Variants in MEIS2 observed in about 807,000 individuals in gnomAD.
MEIS2 encodes the protein Meis homeobox 2.
A neutral mutation model predicts 58.6 loss-of-function variants in MEIS2; 9 were observed. That is an observed-to-expected ratio of 0.15 (90% CI 0.09 to 0.27). The LOEUF is 0.27. Ranked by LOEUF, MEIS2 falls within the 10% of genes least tolerant of loss-of-function variation. MEIS2 has a pLI of 1.00. For synonymous variants in MEIS2, 221 were observed against 228.4 expected, an observed-to-expected ratio of 0.97 and a Z score of 0.29; for missense variants, 427 against 635.0, an observed-to-expected ratio of 0.67 and a Z score of 3.52.
At chr15:37,093,397 T>C (rs1458402840) in intron 6 of MEIS2, among the ~76,000 whole-genome samples, 184 bp downstream of exon 6, 1 of 151,334 alleles carries the variant, frequency 6.6e-6, no homozygotes, top group Non-Finnish European at 1.5e-5. Context: ...TAGGAGGGGG[T>C]CCAAGAAAGG....
chr15:36,980,911 T>C (rs2059910526), intron 8 of MEIS2, among the ~76,000 whole-genome samples: 1 of 152,204 alleles, frequency 6.6e-6, no homozygotes, highest in South Asian at 2.1e-4. Flanking sequence ...CTTTATAATA[T>C]GTATTAATTA....
At chr15:36,971,908 T>G (rs2059585080) in intron 8 of MEIS2, among the ~76,000 whole-genome samples, 1 of 152,204 alleles carries the variant, frequency 6.6e-6, no homozygotes, top group Admixed American at 6.5e-5. Context: ...AGAATATATT[T>G]GGACAGCATT....
chr15:37,093,762 T>G, intron 5 of MEIS2, 32 bp from the exon 6 acceptor site: 4 of 1,608,276 alleles, frequency 2.5e-6, no homozygotes, highest in Non-Finnish European at 3.4e-6. Context: ...AGGGTTTAGC[T>G]CATGTTGTTG....
chr15:36,891,577 T>C lies in MEIS2; in HGVS notation c.*596A>G, dbSNP rs1751285598. ...AAGAATTGGCTTATGAAGCACGAAC[T>C]ATAAAGATCTGTTTGAAACTAAAGG... On this transcript the variant is annotated 3_prime_UTR_variant, in exon 12 of 12. Transcript: ENST00000561208. 6.5e-6 allele frequency: 1 copy of C among 153,116 alleles called. No individual in the cohort carries two copies. Among genetic ancestry groups the C allele is most frequent in the African/African-American group, 2.4e-5 (1 of 41,440 alleles). 9.5% of individuals were successfully genotyped at this position (153,116 alleles called of 1,614,324 possible). A position where few individuals can be genotyped will look rare whatever the true frequency, so the allele number is the denominator to read the frequency against.
intron 8 of MEIS2, among the ~76,000 whole-genome samples, chr15:37,009,267 C>A (rs542869585): frequency 6.6e-6 from 1 of 151,424 alleles, no homozygotes; most frequent in East Asian, 1.9e-4. Flanking sequence ...CCAGCCTGGG[C>A]GACAGAGCGA....
intron 7 of MEIS2, among the ~76,000 whole-genome samples, chr15:37,062,470 G>A (rs1889346615): frequency 6.6e-6 from 1 of 152,198 alleles, no homozygotes; most frequent in South Asian, 2.1e-4. Context: ...ATACTCCAAG[G>A]ATGTAGTCAA....
chr15:36,909,652 G>A (rs375155741), intron 9 of MEIS2, among the ~76,000 whole-genome samples: 323 of 152,220 alleles, frequency 2.1e-3, no homozygotes, highest in African/African-American at 7.4e-3. Context: ...TTAAAGGTGC[G>A]AATCTATCTG....
chr15:37,002,935 G>T (rs1409575073), intron 8 of MEIS2, among the ~76,000 whole-genome samples: 2 of 152,064 alleles, frequency 1.3e-5, no homozygotes, highest in Non-Finnish European at 2.9e-5. Flanking sequence ...TTTATTAAGT[G>T]CACTGTTTTT....
intron 1 of MEIS2, chr15:37,099,090 A>G: frequency 2.0e-6 from 2 of 996,634 alleles, no homozygotes; most frequent in Non-Finnish European, 1.2e-6. Context: ...GCAGCGGCGC[A>G]GCAGCGGCAG....
chr15:37,015,125 A>G (rs1007873958), intron 8 of MEIS2, among the ~76,000 whole-genome samples: 10 of 152,244 alleles, frequency 6.6e-5, no homozygotes, highest in African/African-American at 2.4e-4. Flanking sequence ...CGGAGGCAGT[A>G]TCAGCTTCCT....
At chr15:36,963,491 A>C (rs190336457) in intron 8 of MEIS2, among the ~76,000 whole-genome samples, 11 of 152,326 alleles carry the variant, frequency 7.2e-5, no homozygotes, top group African/African-American at 2.2e-4. Flanking sequence ...AACTAAAGGA[A>C]AGACTTTGTC....
chr15:36,965,880 A>T (rs1245374336), intron 8 of MEIS2, among the ~76,000 whole-genome samples: 1 of 152,244 alleles, frequency 6.6e-6, no homozygotes, highest in Non-Finnish European at 1.5e-5. Flanking sequence ...CTGGGAAATT[A>T]AAACAAAAAC....
At chr15:37,063,834 A>C (rs1425022223) in intron 7 of MEIS2, among the ~76,000 whole-genome samples, 1 of 152,238 alleles carries the variant, frequency 6.6e-6, no homozygotes, top group Non-Finnish European at 1.5e-5. Context: ...TCCTAATAGC[A>C]TATGACACTA....
At chr15:36,922,619 CTTTTTTTT>C (rs59227539) in intron 9 of MEIS2, among the ~76,000 whole-genome samples, 2 of 126,904 alleles carry the variant, frequency 1.6e-5, no homozygotes, top group Non-Finnish European at 3.3e-5. Context: ...TTCTTTCTTT[CTTTTTTTT>C]TTTTTTTTTG....
chr15:37,077,284 G>C (rs1250605778), intron 7 of MEIS2, among the ~76,000 whole-genome samples: 1 of 152,046 alleles, frequency 6.6e-6, no homozygotes, highest in African/African-American at 2.4e-5. Flanking sequence ...GAATGGCACT[G>C]TAAACTCATC....
intron 6 of MEIS2, among the ~76,000 whole-genome samples, chr15:37,092,190 A>G (rs1193197654): frequency 6.6e-6 from 1 of 152,250 alleles, no homozygotes; most frequent in East Asian, 1.9e-4. Flanking sequence ...TTATTCTGTC[A>G]CAGAACTGGA....
chr15:37,065,488 C>T (rs1412819798), intron 7 of MEIS2, among the ~76,000 whole-genome samples: 5 of 152,128 alleles, frequency 3.3e-5, no homozygotes, highest in African/African-American at 9.7e-5. Flanking sequence ...TTGAACAACA[C>T]GTGTGACTGA....
chr15:36,993,817 T>C (rs1368296350), intron 8 of MEIS2, among the ~76,000 whole-genome samples: 4 of 152,138 alleles, frequency 2.6e-5, no homozygotes, highest in Non-Finnish European at 5.9e-5. Flanking sequence ...TCTTACAGAA[T>C]GTCAGAGTGC....
chr15:36,981,567 T>C lies in MEIS2; in HGVS notation c.901-31167A>G, dbSNP rs190955779. Among the ~76,000 whole-genome samples, 7 of 152,196 alleles carry C rather than the reference T, an allele frequency of 4.6e-5. No homozygotes were observed. The East Asian group carries it at 1.4e-3, about 29-fold the overall frequency. Reference sequence around the variant, plus strand: ...AGGTATACAGTGTGAGGCTTTGATATGTGAGTGGGCGTGTGTGTGTGCGTG... The same window carrying C: ...AGGTATACAGTGTGAGGCTTTGATACGTGAGTGGGCGTGTGTGTGTGCGTG... On this transcript the variant is annotated intron_variant, in intron 8 of 11. Transcript: ENST00000561208.
Sources: allele counts gnomAD v4.1 joint callset (sites outside exome capture counted in the v4.1 genomes callset), GRCh38; gene constraint gnomAD v4.1.1; transcripts MANE v1.5; gene names NCBI Gene and HGNC (gene_info 2026-07-23, HGNC 2026-07-21).